STIL: variants seen among roughly 807,000 people sequenced by gnomAD.
The protein encoded by STIL is STIL centriolar assembly protein, also known as SCL-interrupting locus protein.
STIL carries 55 observed loss-of-function variants against 110.1 expected under a neutral mutation model. That is an observed-to-expected ratio of 0.50 (90% CI 0.40 to 0.63). The LOEUF (loss-of-function observed/expected upper bound fraction) is 0.63. STIL is among the 20% of genes least tolerant of loss of function. STIL has a pLI of 0.00. For missense variants in STIL, 1,358 were observed against 1,530.0 expected, an observed-to-expected ratio of 0.89 and a Z score of 1.87; for synonymous variants, 481 against 530.0, an observed-to-expected ratio of 0.91 and a Z score of 1.27.
intron 9 of STIL, among the ~76,000 whole-genome samples, chr1:47,289,061 C>CAA (rs371944423): frequency 0.26 from 21,106 of 81,836 alleles, 4,703 homozygotes; most frequent in Non-Finnish European, 0.36. Flanking sequence ...GATTCCATCT[C>CAA]AAAAAAAAAA....
chr1:47,256,850 C>T (rs376394972), intron 16 of STIL, among the ~76,000 whole-genome samples: 15 of 151,740 alleles, frequency 9.9e-5, no homozygotes, highest in South Asian at 8.4e-4. Flanking sequence ...CAAAATTAGC[C>T]GGGCATGGTG....
intron 12 of STIL, among the ~76,000 whole-genome samples, chr1:47,273,346 C>T (rs1644896242): frequency 6.6e-6 from 1 of 152,220 alleles, no homozygotes; most frequent in Admixed American, 6.5e-5. Flanking sequence ...ACTCTGTACC[C>T]ATTAGCAGCC....
chr1:47,251,211 C>T lies in STIL; in HGVS notation c.3792G>A (p.Lys1264=), dbSNP rs1203112464. Residue 1264 remains lysine, a synonymous_variant, in exon 17 of 17, where the codon AAG becomes AAA. Transcript: ENST00000371877. ...PESLQPSETL[K]QMNSMNSVGT... is the part of the protein sequence containing the mutation. ...CTACTGAATTCATGCTATTCATCTGCTTTAGCGTTTCAGAAGGTTGCAAAC... is the reference window on the plus strand; with the variant it reads ...CTACTGAATTCATGCTATTCATCTGTTTTAGCGTTTCAGAAGGTTGCAAAC... 6.2e-6 allele frequency: 10 copies of T among 1,612,330 alleles called. No individual in the cohort carries two copies. Among genetic ancestry groups the T allele is most frequent in the Non-Finnish European group, 8.5e-6 (10 of 1,179,408 alleles).
chr1:47,286,970 G>A (rs900111825), intron 10 of STIL, among the ~76,000 whole-genome samples: 1 of 152,038 alleles, frequency 6.6e-6, no homozygotes, highest in Non-Finnish European at 1.5e-5. Flanking sequence ...TGATCTGCTC[G>A]CCTTGGACTC....
intron 15 of STIL, among the ~76,000 whole-genome samples, chr1:47,261,516 G>A (rs1644484261): frequency 6.6e-6 from 1 of 151,770 alleles, no homozygotes; most frequent in African/African-American, 2.4e-5. Flanking sequence ...AAGGCGGGCA[G>A]ATCACTTGAG....
In STIL at chr1:47,300,146, G is replaced by T. The variant is rs1437830511; in HGVS notation, c.460C>A (p.Gln154Lys). The change falls in exon 6 of 17, where the codon CAG becomes AAG. Residue 154 changes from glutamine (Q) to lysine (K), a missense_variant. By Grantham distance (53) the Gln-to-Lys change is moderately conservative. Coordinates refer to ENST00000371877, the MANE Select transcript of STIL (RefSeq NM_001048166.1). ...GAATCTTTGCTACATATATGGCACT[G>T]TAGAGCCTGAGAAATCAATATTAAA... ...DDFSSALKAL[Q>K]CHICSKDSLD... is the part of the protein sequence containing the mutation. The T allele has an allele frequency of 8.1e-6, 13 of 1,613,046 alleles. No individual in the cohort carries two copies. The East Asian group carries it at 2.9e-4, about 36-fold the overall frequency.
intron 9 of STIL, among the ~76,000 whole-genome samples, chr1:47,289,061 CAAAA>C (rs371944423): frequency 2.4e-5 from 2 of 83,474 alleles, no homozygotes; most frequent in Non-Finnish European, 2.2e-5. Flanking sequence ...GATTCCATCT[CAAAA>C]AAAAAAAAAA....
chr1:47,254,867 TG>T (rs1310761494), intron 16 of STIL, among the ~76,000 whole-genome samples: 1 of 152,194 alleles, frequency 6.6e-6, no homozygotes, highest in African/African-American at 2.4e-5. Flanking sequence ...TTTTATAGAA[TG>T]GTTAAAAGAT....
rs970073752 is a variant in STIL at position 47,300,042 on chromosome 1, C to T, written c.564G>A (p.Leu188=). 2 of 1,614,124 alleles carry T rather than the reference C, an allele frequency of 1.2e-6. No individual in the cohort carries two copies. Among genetic ancestry groups the T allele is most frequent in the African/African-American group, 1.3e-5 (1 of 75,022 alleles). ...TTGCTAGAGTTACTGCTGCCCAATG[C>T]AAGTCAAATTCCACACTGTCCAAAC... is the stretch of plus-strand genomic sequence containing the variant. ...RESLDSVEFD[L]HWAAVTLANN... Residue 188 remains leucine (L), a synonymous_variant, in exon 6 of 17, where the codon TTG becomes TTA. Coordinates refer to ENST00000371877, the MANE Select transcript of STIL (RefSeq NM_001048166.1).
At chr1:47,255,062 C>A (rs1644291967) in intron 16 of STIL, among the ~76,000 whole-genome samples, 1 of 151,762 alleles carries the variant, frequency 6.6e-6, no homozygotes, top group Non-Finnish European at 1.5e-5. Context: ...GAGCCTGAGG[C>A]AGGAGGATTG....
chr1:47,308,142 C>T (rs1014693390), intron 2 of STIL, among the ~76,000 whole-genome samples: 16 of 152,264 alleles, frequency 1.1e-4, no homozygotes, highest in South Asian at 6.2e-4. Context: ...CTGTTAAGTA[C>T]TTGATGTCTG....
intron 12 of STIL, among the ~76,000 whole-genome samples, chr1:47,275,694 G>A (rs1644972614): frequency 6.6e-6 from 1 of 151,844 alleles, no homozygotes; most frequent in Non-Finnish European, 1.5e-5. Context: ...GCACGGTCTT[G>A]GCTCACTGCA....
At chr1:47,288,217 G>T (rs369477854) in intron 9 of STIL, among the ~76,000 whole-genome samples, 1 of 151,476 alleles carries the variant, frequency 6.6e-6, no homozygotes. Context: ...ATTAGTCTGA[G>T]ACCTAAAATA....
Position 47,278,752 on chromosome 1 carries a change from G to A in STIL, c.2217+1489C>T, listed in dbSNP as rs139888494. Among the ~76,000 whole-genome samples the A allele has an allele frequency of 2.6e-5, 4 of 151,892 alleles. No homozygotes were observed. In the East Asian group the frequency reaches 7.7e-4, roughly 29 times the overall value. ...AGGTCAAAGCAGAAAGATCACTTGAGCTGAGGAGTTCAAGACCAGTCTGGG... is the reference window on the plus strand; with the variant it reads ...AGGTCAAAGCAGAAAGATCACTTGAACTGAGGAGTTCAAGACCAGTCTGGG... On this transcript the variant is annotated intron_variant, in intron 12 of 16. Coordinates refer to ENST00000371877, the MANE Select transcript of STIL (RefSeq NM_001048166.1).
chr1:47,258,228 G>A (rs951930886), intron 16 of STIL, among the ~76,000 whole-genome samples: 3 of 152,158 alleles, frequency 2.0e-5, no homozygotes, highest in Non-Finnish European at 4.4e-5. Flanking sequence ...AAAAATGCTA[G>A]CCTCACTCTT....
intron 5 of STIL, 42 bp from the exon 6 acceptor site, chr1:47,300,194 T>G (rs1645762798): frequency 6.3e-7 from 1 of 1,588,330 alleles, no homozygotes; most frequent in Admixed American, 1.7e-5. Flanking sequence ...AACTTTGAAA[T>G]GTGCCCATAT....
At chr1:47,254,538 T>C (rs1203295927) in intron 16 of STIL, among the ~76,000 whole-genome samples, 1 of 151,850 alleles carries the variant, frequency 6.6e-6, no homozygotes. Flanking sequence ...GGTTTTTTTT[T>C]TGTTTTTTTT....
chr1:47,287,711 G>C, intron 9 of STIL, 51 bp from the exon 10 acceptor site: 2 of 1,389,178 alleles, frequency 1.4e-6, no homozygotes, highest in Non-Finnish European at 2.0e-6. Flanking sequence ...AAGAACACCA[G>C]AGAATTCTAT....
chr1:47,256,302 G>A (rs1644324987), intron 16 of STIL, among the ~76,000 whole-genome samples: 1 of 152,212 alleles, frequency 6.6e-6, no homozygotes. Context: ...CACTAAGTTA[G>A]TGGTAGAGGC....
Sources: gnomAD v4.1 joint callset for allele counts (sites outside exome capture counted in the v4.1 genomes callset) on GRCh38, gnomAD v4.1.1 for gene constraint, MANE v1.5 for transcripts, NCBI Gene and HGNC (gene_info 2026-07-23, HGNC 2026-07-21) for gene names.